The following VEZT variants were observed in gnomAD, a reference collection of about 807,000 sequenced individuals.
VEZT encodes the protein vezatin.
Under a neutral mutation model 79.9 loss-of-function variants are expected in VEZT, and 39 were observed. That is an observed-to-expected ratio of 0.49 (90% CI 0.38 to 0.64). The LOEUF is 0.64. Among genes scored for constraint, VEZT ranks in the 30% least tolerant of loss-of-function variants. The pLI, the probability that VEZT is intolerant of heterozygous loss-of-function variation, is 0.00. For missense variants in VEZT, 837 were observed against 893.1 expected, an observed-to-expected ratio of 0.94 and a Z score of 0.80; for synonymous variants, 325 against 327.6, an observed-to-expected ratio of 0.99 and a Z score of 0.09.
intron 5 of VEZT, 111 bp downstream of exon 5, chr12:95,266,743 T>A: frequency 1.7e-6 from 2 of 1,153,422 alleles, no homozygotes; most frequent in Non-Finnish European, 2.4e-6. Flanking sequence ...AAAAAAGTGC[T>A]TTTCTCTTTA....
chr12:95,269,145 C>T (rs1277622670), intron 5 of VEZT, among the ~76,000 whole-genome samples: 1 of 152,160 alleles, frequency 6.6e-6, no homozygotes, highest in Non-Finnish European at 1.5e-5. Flanking sequence ...AAGCAATTTA[C>T]AAATGCCAAT....
chr12:95,276,826 G>A (rs562523262), intron 7 of VEZT, among the ~76,000 whole-genome samples: 1 of 151,846 alleles, frequency 6.6e-6, no homozygotes, highest in South Asian at 2.1e-4. Flanking sequence ...TTCCTATTAC[G>A]TAAAATTTGC....
chr12:95,279,834 G>GTAATCCTTCCACC (rs71078695), intron 7 of VEZT, among the ~76,000 whole-genome samples: 2 of 128,564 alleles, frequency 1.6e-5, no homozygotes, highest in African/African-American at 5.0e-5. Flanking sequence ...CTGGCCTCAA[G>GTAATCCTTCCACC]TGAGCCTCCC....
chr12:95,296,302 A>G (rs2074118758), intron 11 of VEZT, 44 bp downstream of exon 11: 2 of 1,510,520 alleles, frequency 1.3e-6, no homozygotes, highest in Non-Finnish European at 1.8e-6. Context: ...AATGTAGGGG[A>G]TTCTTTCTTT....
intron 7 of VEZT, among the ~76,000 whole-genome samples, chr12:95,280,684 C>T (rs1446725522): frequency 2.6e-5 from 4 of 152,154 alleles, no homozygotes; most frequent in Non-Finnish European, 5.9e-5. Flanking sequence ...TGCCCCTCTA[C>T]TTGAATATAA....
At chr12:95,252,703 G>T (rs759752455) in intron 2 of VEZT, among the ~76,000 whole-genome samples, 1 of 152,208 alleles carries the variant, frequency 6.6e-6, no homozygotes, top group Non-Finnish European at 1.5e-5. Flanking sequence ...GGTGGCTCAC[G>T]CCTGTAATCC....
chr12:95,254,235 C>T (rs942463738), intron 2 of VEZT, among the ~76,000 whole-genome samples: 2 of 151,892 alleles, frequency 1.3e-5, no homozygotes, highest in African/African-American at 4.8e-5. Context: ...TCAAGCAGTC[C>T]TCCTACCTTG....
chr12:95,283,271 A>G (rs2069660974), intron 8 of VEZT, among the ~76,000 whole-genome samples: 1 of 152,130 alleles, frequency 6.6e-6, no homozygotes, highest in African/African-American at 2.4e-5. Flanking sequence ...TGAAAATACT[A>G]TTTTCACATA....
At chr12:95,290,126 T>A (rs2072332974) in intron 9 of VEZT, among the ~76,000 whole-genome samples, 1 of 152,230 alleles carries the variant, frequency 6.6e-6, no homozygotes, top group African/African-American at 2.4e-5. Flanking sequence ...ATATTTTTTA[T>A]ATGTCTAGAC....
chr12:95,224,358 G>A (rs1024073219), intron 1 of VEZT: 14 of 426,638 alleles, frequency 3.3e-5, no homozygotes, highest in Non-Finnish European at 3.7e-5. Flanking sequence ...CTGTTGCCTA[G>A]GCTGGAATGC....
chr12:95,293,231 G>A (rs1301589933), intron 9 of VEZT, among the ~76,000 whole-genome samples: 2 of 152,164 alleles, frequency 1.3e-5, no homozygotes, highest in Non-Finnish European at 2.9e-5. Context: ...CTTAGCCACT[G>A]TGCTATTCTG....
chr12:95,299,571 T>C (rs1359812457), intron 11 of VEZT: 2 of 152,206 alleles, frequency 1.3e-5, no homozygotes, highest in African/African-American at 4.8e-5. Flanking sequence ...GCAAGTAAGT[T>C]AAATTGTATG....
At chr12:95,221,286 A>T (rs1056616349) in intron 1 of VEZT, among the ~76,000 whole-genome samples, 9 of 152,180 alleles carry the variant, frequency 5.9e-5, no homozygotes, top group Non-Finnish European at 1.3e-4. Context: ...TGCAGATTGG[A>T]CCAACCGTGG....
At position 95,252,026 on chromosome 12, in the gene VEZT, C is replaced by T; in HGVS notation, c.123C>T (p.Cys41=). The T allele has an allele frequency of 6.2e-7, 1 of 1,612,574 alleles. No homozygotes were observed. Among genetic ancestry groups the T allele is most frequent in the South Asian group, 1.1e-5 (1 of 90,852 alleles). ...CSSLSPKTEK[C]TTEGQQKPPT... is the part of the protein sequence containing the mutation. The stretch of plus-strand genomic sequence containing the variant: ...CTTTGTCACCAAAAACAGAAAAATG[C>T]ACAACAGAGGGACAACAAAAGCCTC... The change falls in exon 2 of 12, where the codon TGC becomes TGT. Residue 41 remains cysteine (C), a synonymous_variant. Coordinates refer to ENST00000436874, the MANE Select transcript of VEZT (RefSeq NM_017599.4).
chr12:95,269,776 T>G (rs17023867), intron 5 of VEZT: 11,189 of 269,156 alleles, frequency 0.042, 734 homozygotes, highest in East Asian at 0.28. Flanking sequence ...CAGAATCCAT[T>G]GTTTCCCCAC....
chr12:95,287,458 T>G (rs1375269036), intron 8 of VEZT, among the ~76,000 whole-genome samples: 1 of 152,134 alleles, frequency 6.6e-6, no homozygotes, highest in Non-Finnish European at 1.5e-5. Context: ...CATGCTACCA[T>G]GCTCGGCTAA....
Position 95,282,568 on chromosome 12 carries a change from C to A in VEZT, c.1252C>A (p.Gln418Lys). ...ACCGCAGTGTTTATCCAAAACTCAA[C>A]AGAAGTCAAGAGAACTGAATAATGT... is the stretch of plus-strand genomic sequence containing the variant. ...SVPQCLSKTQ[Q>K]KSRELNNVHT... The change falls in exon 8 of 12, where the codon CAG (glutamine) becomes AAG (lysine). Residue 418 changes from glutamine (Q) to lysine (K), a missense_variant. Coordinates refer to ENST00000436874, the MANE Select transcript of VEZT (RefSeq NM_017599.4). 1 of 1,613,904 alleles carries A rather than the reference C, an allele frequency of 6.2e-7. No homozygotes were observed. The highest frequency in any genetic ancestry group is 2.2e-5 in the East Asian group (1 of 44,890).
intron 1 of VEZT, among the ~76,000 whole-genome samples, chr12:95,228,276 G>T (rs1338263493): frequency 3.9e-5 from 6 of 152,146 alleles, no homozygotes; most frequent in Admixed American, 6.6e-5. Context: ...TTCCTCGAGA[G>T]ATTCCCTTTT....
intron 1 of VEZT, 119 bp downstream of exon 1, chr12:95,218,005 A>C: frequency 1.9e-6 from 2 of 1,028,256 alleles, no homozygotes; most frequent in Non-Finnish European, 2.7e-6. Context: ...GCTGGCCTCG[A>C]CCACCGAACC....
Sources: allele counts gnomAD v4.1 joint callset (sites outside exome capture counted in the v4.1 genomes callset), GRCh38; gene constraint gnomAD v4.1.1; transcripts MANE v1.5; gene names NCBI Gene and HGNC (gene_info 2026-07-23, HGNC 2026-07-21).